The following CCDC7 variants were observed in gnomAD, a reference collection of about 807,000 sequenced individuals.
CCDC7 encodes coiled-coil domain containing 7, also known as coiled-coil domain-containing protein 7.
A neutral mutation model predicts 196.9 loss-of-function variants in CCDC7; 183 were observed. That is an observed-to-expected ratio of 0.93 (90% CI 0.82 to 1.05). CCDC7 has a LOEUF of 1.05. Ranked by LOEUF, CCDC7 falls within the 50% of genes least tolerant of loss-of-function variation. CCDC7 has a pLI of 0.00. For missense variants in CCDC7, 1,540 were observed against 1,482.2 expected (o/e 1.04, Z -0.64); for synonymous variants, 525 against 484.6 (o/e 1.08, Z -1.10).
intron 30 of CCDC7, among the ~76,000 whole-genome samples, chr10:32,808,421 C>T (rs1272362935): frequency 6.6e-6 from 1 of 152,168 alleles, no homozygotes; most frequent in Non-Finnish European, 1.5e-5. Context: ...CTTCCTGGGT[C>T]CTGGAGGATG....
rs1007127971 is a variant in CCDC7, at chr10:32,611,487, T to C, written c.1802-22767T>C. ...TGCTTTTGGTGTTTTAGTCATGAAG[T>C]CTTTGCCCATGCCTATGTCCTGAAT... On this transcript the variant is annotated intron_variant, in intron 18 of 41. Coordinates refer to ENST00000639629, the Ensembl canonical transcript of CCDC7. 3.9e-5 allele frequency among the ~76,000 whole-genome samples: 6 copies of C among 152,336 alleles called. No homozygotes were observed. The East Asian group carries it at 9.6e-4, about 24-fold the overall frequency.
At chr10:32,495,370 G>A (rs1378390087) in intron 9 of CCDC7, among the ~76,000 whole-genome samples, 1 of 152,054 alleles carries the variant, frequency 6.6e-6, no homozygotes, top group Non-Finnish European at 1.5e-5. Flanking sequence ...AGTTTCTTTT[G>A]CTGTGCAGAA....
At chr10:32,773,033 G>A (rs1421960866) in intron 28 of CCDC7, among the ~76,000 whole-genome samples, 5 of 152,182 alleles carry the variant, frequency 3.3e-5, no homozygotes, top group Non-Finnish European at 7.4e-5. Context: ...GGTTTCTGCT[G>A]AGAAATCAAC....
intron 28 of CCDC7, among the ~76,000 whole-genome samples, chr10:32,747,043 G>A (rs1338878962): frequency 2.0e-5 from 3 of 152,156 alleles, no homozygotes; most frequent in African/African-American, 7.2e-5. Context: ...AAAGCACTTT[G>A]CTGGGACCCC....
chr10:32,744,225 C>T (rs183310194), intron 28 of CCDC7, among the ~76,000 whole-genome samples: 1 of 151,730 alleles, frequency 6.6e-6, no homozygotes, highest in African/African-American at 2.4e-5. Context: ...GAATGAGATA[C>T]TAAATGTTCA....
chr10:32,870,792 T>C (rs1469974911), intron 41 of CCDC7, among the ~76,000 whole-genome samples: 4 of 151,910 alleles, frequency 2.6e-5, no homozygotes, highest in Admixed American at 6.6e-5. Flanking sequence ...ATTTATTGAG[T>C]TTTTAGCATG....
intron 24 of CCDC7, among the ~76,000 whole-genome samples, chr10:32,699,775 G>A (rs1317305116): frequency 6.7e-6 from 1 of 149,340 alleles, no homozygotes; most frequent in Non-Finnish European, 1.5e-5. Flanking sequence ...ATCTCATTGT[G>A]GTTTTGATTT....
intron 30 of CCDC7, among the ~76,000 whole-genome samples, chr10:32,811,497 A>T (rs924247842): frequency 6.6e-6 from 1 of 152,096 alleles, no homozygotes; most frequent in Non-Finnish European, 1.5e-5. Flanking sequence ...GCTGTTAGAT[A>T]AAAAGAATAA....
downstream of CCDC7, among the ~76,000 whole-genome samples, chr10:32,879,770 G>T (rs1225800272): frequency 2.2e-5 from 3 of 135,280 alleles, no homozygotes; most frequent in East Asian, 6.4e-4. Flanking sequence ...CATTCTCATT[G>T]TTCAGCTCTC....
chr10:32,688,012 C>A (rs2076658480), intron 22 of CCDC7, among the ~76,000 whole-genome samples: 1 of 152,164 alleles, frequency 6.6e-6, no homozygotes, highest in Non-Finnish European at 1.5e-5. Flanking sequence ...GTGGGCCAAA[C>A]TTTCAGAGAA....
At chr10:32,470,661 A>G (rs1431483839) in intron 5 of CCDC7, among the ~76,000 whole-genome samples, 5 of 152,150 alleles carry the variant, frequency 3.3e-5, no homozygotes, top group Non-Finnish European at 7.4e-5. Context: ...AGTAATAGAC[A>G]GTATTAGCCT....
chr10:32,662,899 AC>A (rs1299387972), intron 20 of CCDC7, among the ~76,000 whole-genome samples: 1 of 152,164 alleles, frequency 6.6e-6, no homozygotes, highest in Non-Finnish European at 1.5e-5. Context: ...GAAGTAAGAG[AC>A]TATCAGGTAG....
chr10:32,633,696 A>ATATATATATGTG lies in CCDC7; in HGVS notation c.1802-557_1802-556insATATATATGTGT, dbSNP rs779341941. 1.1e-3 allele frequency among the ~76,000 whole-genome samples: 152 copies of ATATATATATGTG among 135,214 alleles called. 2 individuals are homozygous for ATATATATATGTG. The highest frequency in any genetic ancestry group is 5.5e-3 in the South Asian group (20 of 3,656). The allele number at this position is 135,214 out of a possible 152,430, so 88.7% of individuals were successfully genotyped here. A position where few individuals can be genotyped will look rare whatever the true frequency, so the allele number is the denominator to read the frequency against. On this transcript the variant is annotated intron_variant, in intron 18 of 41. Transcript: ENST00000639629. Reference sequence around the variant, plus strand: ...TTTAGCTTTGTGTATATATATATATATGTGTGTGTGTGTGTGTGTGTGTGT... The same window carrying ATATATATATGTG: ...TTTAGCTTTGTGTATATATATATATATATATATATGTGTGTGTGTGTGTGTGTGTGTGTGTGT...
At chr10:32,680,612 G>T (rs2075724553) in intron 21 of CCDC7, among the ~76,000 whole-genome samples, 1 of 147,778 alleles carries the variant, frequency 6.8e-6, no homozygotes, top group African/African-American at 2.6e-5. Flanking sequence ...TCCCCACCCT[G>T]GGGACACACA....
chr10:32,490,154 C>T (rs1250696829), intron 8 of CCDC7, among the ~76,000 whole-genome samples: 1 of 152,098 alleles, frequency 6.6e-6, no homozygotes, highest in Non-Finnish European at 1.5e-5. Context: ...CCTCAGCTAT[C>T]CTGTCTGTGT....
rs530956799 is a variant in CCDC7, at chr10:32,669,808, G to T, written c.2122+5647G>T. Among the ~76,000 whole-genome samples the T allele has an allele frequency of 1.3e-3, 196 of 151,340 alleles. 1 individual carries two copies. Among genetic ancestry groups the T allele is most frequent in the South Asian group, 4.4e-3 (21 of 4,774 alleles). On this transcript the variant is annotated intron_variant, in intron 21 of 41. Transcript: ENST00000639629. ...CATTGATTTTGTCTTTTCTTTTTTT[G>T]TTGTTGTTGTTGTCCATAATTCTAA...
chr10:32,685,549 C>G (rs1177293836), intron 21 of CCDC7, among the ~76,000 whole-genome samples: 1 of 152,122 alleles, frequency 6.6e-6, no homozygotes. Flanking sequence ...CTTGGACACC[C>G]CTAGAACTTT....
chr10:32,680,089 G>C (rs1266909347), intron 21 of CCDC7, among the ~76,000 whole-genome samples: 1 of 152,182 alleles, frequency 6.6e-6, no homozygotes, highest in Admixed American at 6.5e-5. Flanking sequence ...TAGATGTACT[G>C]AGTTATTGAA....
intron 38 of CCDC7, 59 bp downstream of exon 39, chr10:32,847,975 T>G (rs1283421667): frequency 9.2e-7 from 1 of 1,084,702 alleles, no homozygotes; most frequent in Non-Finnish European, 1.4e-6. Flanking sequence ...GGTTTAAGTA[T>G]GAATCTTTAA....
Sources: gnomAD v4.1 joint callset for allele counts (sites outside exome capture counted in the v4.1 genomes callset) on GRCh38, gnomAD v4.1.1 for gene constraint, MANE v1.5 for transcripts, NCBI Gene and HGNC (gene_info 2026-07-23, HGNC 2026-07-21) for gene names.